Variants in ZFHX4 observed in about 807,000 individuals in gnomAD.
ZFHX4 encodes the protein zinc finger homeobox 4.
Under a neutral mutation model 267.6 loss-of-function variants are expected in ZFHX4, and 56 were observed. The ratio of observed to expected loss-of-function variants is 0.21; its 90% CI spans 0.17 to 0.26. The LOEUF (loss-of-function observed/expected upper bound fraction) is 0.26, where lower values mean the gene tolerates loss of function less well. Among genes scored for constraint, ZFHX4 ranks in the 10% least tolerant of loss-of-function variants. The pLI is 1.00. For synonymous variants in ZFHX4, 1,778 were observed against 1,665.6 expected (o/e 1.07, Z -1.64); for missense variants, 4,332 against 4,420.0 (o/e 0.98, Z 0.56).
At chr8:76,860,581 G>A (rs1812840021) in intron 10 of ZFHX4, among the ~76,000 whole-genome samples, 1 of 152,000 alleles carries the variant, frequency 6.6e-6, no homozygotes, top group South Asian at 2.1e-4. Context: ...GGGGAAATTA[G>A]GTGAAAGAGG....
intron 4 of ZFHX4, among the ~76,000 whole-genome samples, chr8:76,781,232 T>C (rs1477943373): frequency 2.0e-5 from 3 of 152,130 alleles, no homozygotes; most frequent in African/African-American, 7.2e-5. Flanking sequence ...CTAGTAGCTT[T>C]TACCTCCAAC....
intron 5 of ZFHX4, among the ~76,000 whole-genome samples, chr8:76,841,074 G>A (rs1398585327): frequency 6.6e-6 from 1 of 152,178 alleles, no homozygotes; most frequent in Non-Finnish European, 1.5e-5. Flanking sequence ...CCTAAACAAG[G>A]GCCATCCCTC....
At chr8:76,767,177 G>A (rs546803509) in intron 3 of ZFHX4, among the ~76,000 whole-genome samples, 1 of 152,084 alleles carries the variant, frequency 6.6e-6, no homozygotes, top group South Asian at 2.1e-4. Context: ...TAAATAAGTG[G>A]CAGAAATGTG....
chr8:76,697,798 AT>A (rs906111838), intron 1 of ZFHX4, among the ~76,000 whole-genome samples: 12 of 152,074 alleles, frequency 7.9e-5, no homozygotes, highest in Non-Finnish European at 1.2e-4. Context: ...ATGGATTAAT[AT>A]TTTTTTAAGG....
chr8:76,769,356 T>G (rs1225387692), intron 3 of ZFHX4, among the ~76,000 whole-genome samples: 4 of 152,070 alleles, frequency 2.6e-5, no homozygotes, highest in Admixed American at 1.3e-4. Context: ...TCTTTCTTTC[T>G]TCTTTTTTTT....
chr8:76,834,150 G>T (rs1055403722), intron 5 of ZFHX4: 10 of 450,448 alleles, frequency 2.2e-5, no homozygotes, highest in Middle Eastern at 3.3e-4. Context: ...AGAACATCTT[G>T]GTTGATTCCA....
Position 76,706,623 on chromosome 8 carries a change from G to A in ZFHX4, c.2535G>A (p.Met845Ile), listed in dbSNP as rs773317458. Residue 845 changes from methionine (M) to isoleucine (I), a missense_variant, in exon 2 of 11, where the codon ATG becomes ATA. By Grantham distance (10) the Met-to-Ile change is conservative. This residue lies in a region of ZFHX4 where 1,195 missense variants were observed against 1,173.6 expected (regional missense o/e 1.02). Transcript: ENST00000651372. ...AAAACCCTGCCGACCCTCAGCTGAT[G>A]ATCAATCCATTCCAGCTGGATCCAG... ...KLENPADPQL[M>I]INPFQLDPAT... The A allele has an allele frequency of 1.9e-6, 3 of 1,607,496 alleles. No homozygotes were observed. The highest frequency in any genetic ancestry group is 2.5e-6 in the Non-Finnish European group (3 of 1,177,250).
intron 3 of ZFHX4, among the ~76,000 whole-genome samples, chr8:76,764,100 T>C (rs1457877362): frequency 6.6e-6 from 1 of 152,196 alleles, no homozygotes; most frequent in Non-Finnish European, 1.5e-5. Context: ...TCATCTCCTA[T>C]ATAAAAAGAA....
At chr8:76,718,935 TCACACACACA>T (rs34486060) in intron 3 of ZFHX4, among the ~76,000 whole-genome samples, 19 of 141,368 alleles carry the variant, frequency 1.3e-4, no homozygotes, top group East Asian at 1.1e-3. Context: ...CTGAAATTGA[TCACACACACA>T]CACACACACA....
At chr8:76,693,159 G>A (rs1281021587) in intron 1 of ZFHX4, among the ~76,000 whole-genome samples, 1 of 152,034 alleles carries the variant, frequency 6.6e-6, no homozygotes, top group Admixed American at 6.6e-5. Context: ...CAAATCTTTG[G>A]TGCTTAATAA....
intron 5 of ZFHX4, among the ~76,000 whole-genome samples, chr8:76,836,066 T>G (rs889313358): frequency 2.3e-4 from 35 of 152,342 alleles, no homozygotes; most frequent in African/African-American, 8.2e-4. Flanking sequence ...ATCATCAGTT[T>G]TATTTAAAAT....
rs1270789399 is a variant in ZFHX4, at chr8:76,854,195, C to T, written c.7274C>T (p.Thr2425Ile). 7 of 1,567,896 alleles carry T rather than the reference C, an allele frequency of 4.5e-6. No individual in the cohort carries two copies. Among genetic ancestry groups the T allele is most frequent in the Non-Finnish European group, 5.2e-6 (6 of 1,156,576 alleles). ...GACCCCTCTCCCCCTTCTCAAGGCA[C>T]CAAACCAGCCCTGCCATTAGCATCG... Reference protein sequence around the residue: ...QSDPSPPSQGTKPALPLASTS... With the variant: ...QSDPSPPSQGIKPALPLASTS... The change falls in exon 10 of 11, where the codon ACC (threonine) becomes ATC (isoleucine). Residue 2425 changes from threonine to isoleucine, a missense_variant. Thr to Ile is a moderately conservative substitution (Grantham distance 89). Transcript: ENST00000651372.
At chr8:76,803,107 C>G (rs1327871174) in intron 4 of ZFHX4, among the ~76,000 whole-genome samples, 2 of 152,070 alleles carry the variant, frequency 1.3e-5, no homozygotes, top group African/African-American at 4.8e-5. Flanking sequence ...TGTCAACCAA[C>G]AGTAAGCAAT....
chr8:76,833,333 T>C lies in ZFHX4; in HGVS notation c.3326-5T>C, dbSNP rs1811985889. The C allele has an allele frequency of 6.2e-7, 1 of 1,609,714 alleles. No individual in the cohort carries two copies. The highest frequency in any genetic ancestry group is 1.3e-5 in the African/African-American group (1 of 74,858). ...GATTACCTTTCACTCTGATGTCTTC[T>C]GCAGAAACTGCCTCATTGGGAGCCA... On this transcript the variant is annotated splice_polypyrimidine_tract_variant and splice_region_variant and intron_variant, in intron 4 of 10. Coordinates refer to ENST00000651372, the MANE Select transcript of ZFHX4 (RefSeq NM_024721.5).
Position 76,853,173 on chromosome 8 carries a change from A to G in ZFHX4, c.6252A>G (p.Gln2084=). The G allele has an allele frequency of 6.4e-7, 1 of 1,551,742 alleles. No homozygotes were observed. The highest frequency in any genetic ancestry group is 8.7e-7 in the Non-Finnish European group (1 of 1,147,482). ...CGCTCTTTCCTTCCATTATGATGCA[A>G]CCTGTGCAACACCCTGCGCTTCCTC... The part of the protein sequence containing the change: ...DLPLFPSIMM[Q]PVQHPALPPQ... Residue 2084 remains glutamine (Q), a synonymous_variant, in exon 10 of 11, where the codon CAA becomes CAG. Coordinates refer to ENST00000651372, the MANE Select transcript of ZFHX4 (RefSeq NM_024721.5).
At chr8:76,771,972 T>C (rs757051213) in intron 3 of ZFHX4, among the ~76,000 whole-genome samples, 5 of 152,240 alleles carry the variant, frequency 3.3e-5, no homozygotes, top group Non-Finnish European at 5.9e-5. Context: ...GAGGAAGGAA[T>C]ATGGTATAAT....
chr8:76,826,726 A>G (rs926322330), intron 4 of ZFHX4, among the ~76,000 whole-genome samples: 5 of 152,298 alleles, frequency 3.3e-5, no homozygotes, highest in African/African-American at 1.2e-4. Context: ...AGTTATAAAC[A>G]AGGGACATAA....
At chr8:76,699,852 G>T (rs1808057433) in intron 1 of ZFHX4, among the ~76,000 whole-genome samples, 1 of 150,978 alleles carries the variant, frequency 6.6e-6, no homozygotes, top group Non-Finnish European at 1.5e-5. Context: ...AAGAAAAGAA[G>T]CTCTTGGTGT....
chr8:76,738,250 G>A (rs2131676421), intron 3 of ZFHX4, among the ~76,000 whole-genome samples: 1 of 152,190 alleles, frequency 6.6e-6, no homozygotes, highest in Middle Eastern at 3.4e-3. Flanking sequence ...AAGATCCTGA[G>A]GCTTATGAAT....
Sources: allele counts gnomAD v4.1 joint callset (sites outside exome capture counted in the v4.1 genomes callset), GRCh38; gene constraint gnomAD v4.1.1; regional missense constraint gnomAD v4.1.1; transcripts MANE v1.5; gene names NCBI Gene and HGNC (gene_info 2026-07-23, HGNC 2026-07-21).